STAU1: variants seen among roughly 807,000 people sequenced by gnomAD.
The protein encoded by STAU1 is double-stranded RNA-binding protein Staufen homolog 1.
A neutral mutation model predicts 62.9 loss-of-function variants in STAU1; 13 were observed. That is an observed-to-expected ratio of 0.21 (90% confidence interval 0.13 to 0.33). STAU1 has a LOEUF of 0.33. Among genes scored for constraint, STAU1 ranks in the 10% least tolerant of loss-of-function variants. The pLI, the probability that STAU1 is intolerant of heterozygous loss-of-function variation, is 1.00. For synonymous variants in STAU1, 269 were observed against 265.1 expected, an observed-to-expected ratio of 1.01 and a Z score of -0.14; for missense variants, 571 against 712.1, an observed-to-expected ratio of 0.80 and a Z score of 2.25.
intron 5 of STAU1, among the ~76,000 whole-genome samples, chr20:49,148,910 T>C (rs1241604530): frequency 6.6e-6 from 1 of 152,142 alleles, no homozygotes; most frequent in Non-Finnish European, 1.5e-5. Context: ...CTTAGATCTG[T>C]GGTTCCCCAA....
chr20:49,161,947 G>A (rs957083587), intron 3 of STAU1, among the ~76,000 whole-genome samples: 1 of 152,152 alleles, frequency 6.6e-6, no homozygotes, highest in Admixed American at 6.5e-5. Context: ...ACCCATGGCA[G>A]GCAAGCAAGA....
At position 49,117,338 on chromosome 20, in the gene STAU1, C is replaced by CA; in HGVS notation, c.1510-91dup. On this transcript the variant is annotated intron_variant, in intron 11 of 13. Coordinates refer to ENST00000371856, the MANE Select transcript of STAU1 (RefSeq NM_017453.4). This position sits in a 1 kb window ranked among gnomAD's most constrained non-coding sequence, Gnocchi z 4.6. ...CAGCTCCAGGCCCCACAAGCAAGAT[C>CA]ACCAGCTCTTTTTTCCAACTCAGCC... The CA allele has an allele frequency of 6.6e-7, 1 of 1,505,988 alleles. No homozygotes were observed. The highest frequency in any genetic ancestry group is 1.2e-5 in the South Asian group (1 of 80,662). The allele number at this position is 1,505,988 out of a possible 1,614,324, so 93.3% of individuals were successfully genotyped here. A position where few individuals can be genotyped will look rare whatever the true frequency, so the allele number is the denominator to read the frequency against.
chr20:49,205,370 T>G, the STAU1 span, among the ~76,000 whole-genome samples: 1 of 149,930 alleles, frequency 6.7e-6, no homozygotes, highest in Non-Finnish European at 1.5e-5. Flanking sequence ...ACAGTTTTTT[T>G]TTTTTTTTTT....
At chr20:49,205,273 T>C in the STAU1 span, among the ~76,000 whole-genome samples, 8 of 152,302 alleles carry the variant, frequency 5.3e-5, no homozygotes, top group African/African-American at 1.4e-4. Flanking sequence ...TTTGGTGGCC[T>C]TGTGCAAGTT....
intron 1 of STAU1, among the ~76,000 whole-genome samples, chr20:49,175,488 G>GT (rs1408141691): frequency 6.0e-5 from 9 of 151,078 alleles, no homozygotes; most frequent in South Asian, 2.1e-4. Context: ...GTTTGTTCAG[G>GT]TTTTTTTTTG....
chr20:49,158,524 T>C lies in STAU1; in HGVS notation c.206-4453A>G, dbSNP rs1213177448. Reference sequence around the variant, plus strand: ...TAAAGGAAAAAAACAAAGAATCCTTTATTGGCCAGGTGCAGTGGCTCATGC... The same window carrying C: ...TAAAGGAAAAAAACAAAGAATCCTTCATTGGCCAGGTGCAGTGGCTCATGC... On this transcript the variant is annotated intron_variant, in intron 3 of 13. Transcript: ENST00000371856. The C allele has an allele frequency of 2.3e-6, 3 of 1,302,926 alleles. No homozygotes were observed. In the African/African-American group the frequency reaches 4.6e-5, roughly 20 times the overall value. 80.7% of individuals were successfully genotyped at this position (1,302,926 alleles called of 1,614,324 possible).
At chr20:49,180,221 G>A (rs1265078194) in intron 1 of STAU1, among the ~76,000 whole-genome samples, 1 of 152,076 alleles carries the variant, frequency 6.6e-6, no homozygotes, top group African/African-American at 2.4e-5. Flanking sequence ...ATCCTATAAA[G>A]TTAATTGGAA....
intron 1 of STAU1, among the ~76,000 whole-genome samples, chr20:49,184,099 T>C (rs150521784): frequency 0.011 from 1,712 of 152,156 alleles, 14 homozygotes; most frequent in Non-Finnish European, 0.019. Context: ...CCGGCTAATT[T>C]TTTTTATTTT....
chr20:49,153,280 G>T (rs1415808427), intron 4 of STAU1, among the ~76,000 whole-genome samples: 24 of 133,300 alleles, frequency 1.8e-4, no homozygotes, highest in African/African-American at 5.8e-4. Context: ...AAGCACAAAG[G>T]GCCGGGTGTG....
Position 49,124,416 on chromosome 20 carries a change from C to A in STAU1, c.781G>T (p.Val261Leu), listed in dbSNP as rs530251447. Residue 261 changes from valine to leucine, a missense_variant, in exon 7 of 14, where the codon GTA becomes TTA. By Grantham distance (32) the Val-to-Leu change is conservative. Coordinates refer to ENST00000371856, the MANE Select transcript of STAU1 (RefSeq NM_017453.4). Reference sequence around the variant, plus strand: ...GTTTTCTTTTTGATTCTAGGCTTTACTCGTTCAACTGCAGGCAGGGGCGGT... The same window carrying A: ...GTTTTCTTTTTGATTCTAGGCTTTAATCGTTCAACTGCAGGCAGGGGCGGT... The part of the protein sequence containing the change: ...KLPPLPAVER[V>L]KPRIKKKTKP... 6.6e-5 allele frequency: 106 copies of A among 1,614,230 alleles called. 1 individual carries two copies. The South Asian group carries it at 9.4e-4, about 14-fold the overall frequency.
chr20:49,145,994 G>A (rs981893236), intron 5 of STAU1, among the ~76,000 whole-genome samples: 40 of 152,188 alleles, frequency 2.6e-4, no homozygotes, highest in African/African-American at 9.2e-4. Flanking sequence ...CAGGCCAGGC[G>A]CTATGGCTCA....
Position 49,166,243 on chromosome 20 carries a change from T to G in STAU1, c.-42A>C, listed in dbSNP as rs749294166. ...AGTGAACAAATGCAGGTAAACAGCT[T>G]TCAGTGCAGGTTAATTCAGTGCTAT... On this transcript the variant is annotated 5_prime_UTR_variant, in exon 3 of 14. Transcript: ENST00000371856. 1 of 1,579,388 alleles carries G rather than the reference T, an allele frequency of 6.3e-7. No individual in the cohort carries two copies. Among genetic ancestry groups the G allele is most frequent in the African/African-American group, 1.3e-5 (1 of 74,176 alleles).
the STAU1 span, chr20:49,210,308 T>C: frequency 2.5e-6 from 1 of 404,028 alleles, no homozygotes. Flanking sequence ...TGTCTTTTCG[T>C]TCTCACACTT....
At chr20:49,148,199 A>C (rs1002542110) in intron 5 of STAU1, among the ~76,000 whole-genome samples, 3 of 152,184 alleles carry the variant, frequency 2.0e-5, no homozygotes, top group African/African-American at 7.2e-5. Context: ...AAAATCCAAA[A>C]CCTAAAATGC....
In STAU1 at chr20:49,123,176, G is replaced by A; in HGVS notation, c.882C>T (p.Ile294=). Residue 294 remains isoleucine, a synonymous_variant, in exon 8 of 14, where the codon ATC becomes ATT. Coordinates refer to ENST00000371856, the MANE Select transcript of STAU1 (RefSeq NM_017453.4). Reference sequence around the variant, plus strand: ...GCTCCTTCTCCTTTTTTGCCTGCTGGATCTGGGCCAGTCGGCTAATCGGAT... The same window carrying A: ...GCTCCTTCTCCTTTTTTGCCTGCTGAATCTGGGCCAGTCGGCTAATCGGAT... ...GINPISRLAQ[I]QQAKKEKEPE... is the part of the protein sequence containing the mutation. The A allele has an allele frequency of 6.2e-7, 1 of 1,613,900 alleles. No homozygotes were observed. Among genetic ancestry groups the A allele is most frequent in the Non-Finnish European group, 8.5e-7 (1 of 1,179,964 alleles).
At chr20:49,115,332 GCT>G (rs1424176606) in intron 13 of STAU1, among the ~76,000 whole-genome samples, 3 of 151,902 alleles carry the variant, frequency 2.0e-5, no homozygotes, top group Non-Finnish European at 2.9e-5. Flanking sequence ...ACGGAGTCTT[GCT>G]CTGTCGCCCA....
At chr20:49,148,960 C>G (rs1360132056) in intron 5 of STAU1, among the ~76,000 whole-genome samples, 3 of 152,024 alleles carry the variant, frequency 2.0e-5, no homozygotes, top group Non-Finnish European at 4.4e-5. Flanking sequence ...AGCTCATTAA[C>G]AACAACATGG....
chr20:49,170,177 G>C (rs2093578849), intron 2 of STAU1, among the ~76,000 whole-genome samples: 1 of 152,168 alleles, frequency 6.6e-6, no homozygotes, highest in Non-Finnish European at 1.5e-5. Context: ...ACTGAGCACA[G>C]TCCGAGTGAT....
intron 13 of STAU1, 25 bp from the exon 14 acceptor site, chr20:49,114,918 A>G: frequency 6.2e-7 from 1 of 1,611,570 alleles, no homozygotes; most frequent in Non-Finnish European, 8.5e-7. Flanking sequence ...AATGAAAATG[A>G]CACTAGTTTT....
Sources: allele counts gnomAD v4.1 joint callset (sites outside exome capture counted in the v4.1 genomes callset), GRCh38; gene constraint gnomAD v4.1.1; non-coding constraint Gnocchi (gnomAD v3.1); transcripts MANE v1.5; gene names NCBI Gene and HGNC (gene_info 2026-07-23, HGNC 2026-07-21).